SLC17A1: variants seen among roughly 807,000 people sequenced by gnomAD.
SLC17A1 encodes sodium-dependent phosphate transport protein 1.
A neutral mutation model predicts 53.5 loss-of-function variants in SLC17A1; 51 were observed. The ratio of observed to expected loss-of-function variants is 0.95; its 90% CI spans 0.76 to 1.20. The LOEUF (loss-of-function observed/expected upper bound fraction) is 1.20, where lower values mean the gene tolerates loss of function less well. Ranked by LOEUF, SLC17A1 falls within the 50% of genes most tolerant of loss-of-function variation. The probability of loss-of-function intolerance (pLI) is 0.00; values close to 1 mark genes in which losing one functional copy is unlikely to be tolerated. For synonymous variants in SLC17A1, 179 were observed against 198.8 expected (o/e 0.90, Z 0.84); for missense variants, 538 against 568.2 (o/e 0.95, Z 0.54).
the SLC17A1 span, among the ~76,000 whole-genome samples, chr6:25,742,049 A>G: frequency 6.6e-6 from 1 of 152,298 alleles, no homozygotes; most frequent in South Asian, 2.1e-4. Flanking sequence ...AAAATGTTGT[A>G]AAAGTATCAC....
At chr6:25,732,092 C>T in the SLC17A1 span, 73 of 924,466 alleles carry the variant, frequency 7.9e-5, no homozygotes, top group African/African-American at 1.2e-3. Flanking sequence ...TGTCCTCCTT[C>T]GAGTTTTAGC....
At chr6:25,773,981 A>T in the SLC17A1 span, among the ~76,000 whole-genome samples, 3 of 152,138 alleles carry the variant, frequency 2.0e-5, no homozygotes, top group Admixed American at 1.3e-4. Context: ...CAAAAATTTT[A>T]TACTCAATCC....
intron 10 of SLC17A1, among the ~76,000 whole-genome samples, chr6:25,808,751 AC>A (rs1283679837): frequency 1.3e-5 from 2 of 152,006 alleles, no homozygotes; most frequent in African/African-American, 4.8e-5. Context: ...TCAAAAACCA[AC>A]AGATGTTGAT....
the SLC17A1 span, among the ~76,000 whole-genome samples, chr6:25,766,974 G>T: frequency 6.6e-6 from 1 of 152,126 alleles, no homozygotes; most frequent in Admixed American, 6.5e-5. Context: ...GACTTTAGTA[G>T]TTAATAATAT....
intron 12 of SLC17A1, among the ~76,000 whole-genome samples, chr6:25,787,496 G>A (rs181657815): frequency 3.9e-5 from 6 of 152,070 alleles, no homozygotes. Context: ...GAAGGGAGGG[G>A]GAGAAATGAA....
chr6:25,819,163 T>C lies in SLC17A1; in HGVS notation c.530-9A>G. 6.3e-7 allele frequency: 1 copy of C among 1,591,508 alleles called. No individual in the cohort carries two copies. The highest frequency in any genetic ancestry group is 8.6e-7 in the Non-Finnish European group (1 of 1,167,386). On this transcript the variant is annotated splice_polypyrimidine_tract_variant and intron_variant, in intron 5 of 12. Coordinates refer to ENST00000244527, the MANE Select transcript of SLC17A1 (RefSeq NM_005074.5). ...GGGTCCCAGCAAAAACCCTAATCAG[T>C]AGGTACAAAGAACACCCCTAATTAA...
chr6:25,752,631 C>T, the SLC17A1 span, among the ~76,000 whole-genome samples: 1,937 of 152,246 alleles, frequency 0.013, 39 homozygotes, highest in African/African-American at 0.042. Context: ...CAGCTTAAAA[C>T]ACAAACATAT....
intron 10 of SLC17A1, among the ~76,000 whole-genome samples, chr6:25,807,457 T>C (rs1763998001): frequency 6.6e-6 from 1 of 152,046 alleles, no homozygotes; most frequent in African/African-American, 2.4e-5. Flanking sequence ...ATGCCGTATG[T>C]TTTTTAAAAT....
At chr6:25,731,345 CATT>C in the SLC17A1 span, among the ~76,000 whole-genome samples, 1 of 152,222 alleles carries the variant, frequency 6.6e-6, no homozygotes, top group African/African-American at 2.4e-5. Context: ...GTTTTGCACA[CATT>C]ATGGCCAAAG....
At chr6:25,823,284 T>C (rs1000839013) in intron 3 of SLC17A1, among the ~76,000 whole-genome samples, 7 of 152,148 alleles carry the variant, frequency 4.6e-5, no homozygotes, top group Non-Finnish European at 1.0e-4. Context: ...AACATTTATG[T>C]ACAAGTCTCT....
At chr6:25,777,840 G>A in the SLC17A1 span, 1 of 1,078,396 alleles carries the variant, frequency 9.3e-7, no homozygotes. Flanking sequence ...TGTTTGCACA[G>A]GAATATTTGC....
chr6:25,819,698 A>T lies in SLC17A1; in HGVS notation c.425T>A (p.Val142Asp), dbSNP rs186960598. 1.2e-6 allele frequency: 2 copies of T among 1,614,144 alleles called. No homozygotes were observed. Among genetic ancestry groups the T allele is most frequent in the East Asian group, 4.5e-5 (2 of 44,890 alleles). ...GVAWVVVCRA[V>D]QGAAQGIVAT... The stretch of plus-strand genomic sequence containing the variant: ...TTTTAATACCTGGGCTGCTCCCTGA[A>T]CTGCTCGACATACAACGACCCAAGC... Residue 142 changes from valine to aspartate, a missense_variant, in exon 4 of 13, where the codon GTT becomes GAT. Val to Asp is a radical substitution (Grantham distance 152). Coordinates refer to ENST00000244527, the MANE Select transcript of SLC17A1 (RefSeq NM_005074.5).
At chr6:25,729,704 CT>C in the SLC17A1 span, among the ~76,000 whole-genome samples, 1 of 151,158 alleles carries the variant, frequency 6.6e-6, no homozygotes, top group Non-Finnish European at 1.5e-5. Flanking sequence ...TATTTTTTAA[CT>C]TTTTTTGTTA....
chr6:25,788,438 C>T (rs1448259758), intron 12 of SLC17A1, among the ~76,000 whole-genome samples: 1 of 152,124 alleles, frequency 6.6e-6, no homozygotes, highest in African/African-American at 2.4e-5. Flanking sequence ...GGGGATGCTC[C>T]AGCAGGACAC....
Position 25,811,450 on chromosome 6 carries a change from C to T in SLC17A1, c.1126G>A (p.Gly376Ser). The T allele has an allele frequency of 6.2e-7, 1 of 1,613,954 alleles. No individual in the cohort carries two copies. The highest frequency in any genetic ancestry group is 1.1e-5 in the South Asian group (1 of 91,062). Reference sequence around the variant, plus strand: ...AACACTCCACCCAAGCAAAAGCTGCCTGTTGCACCAGCAAGTATTAGGAAA... The same window carrying T: ...AACACTCCACCCAAGCAAAAGCTGCTTGTTGCACCAGCAAGTATTAGGAAA... Reference protein sequence around the residue: ...VIFLILAGATGSFCLGGVFIN... With the variant: ...VIFLILAGATSSFCLGGVFIN... Residue 376 changes from glycine (G) to serine (S), a missense_variant, in exon 10 of 13, where the codon GGC becomes AGC. Gly to Ser is a moderately conservative substitution (Grantham distance 56). Transcript: ENST00000244527.
the SLC17A1 span, chr6:25,726,387 G>C: frequency 3.1e-6 from 5 of 1,613,956 alleles, no homozygotes; most frequent in African/African-American, 1.3e-5. Flanking sequence ...ACACTGGTGC[G>C]CCTGCCCCTA....
At chr6:25,764,822 A>C in the SLC17A1 span, among the ~76,000 whole-genome samples, 46 of 152,366 alleles carry the variant, frequency 3.0e-4, no homozygotes, top group African/African-American at 1.0e-3. Flanking sequence ...GCAATTTAGC[A>C]TCAGGGGCCA....
Position 25,813,227 on chromosome 6 carries a change from G to A in SLC17A1, c.617-14C>T, listed in dbSNP as rs2151493195. The A allele has an allele frequency of 6.2e-7, 1 of 1,603,288 alleles. No individual in the cohort carries two copies. Among genetic ancestry groups the A allele is most frequent in the Admixed American group, 1.7e-5 (1 of 60,016 alleles). On this transcript the variant is annotated splice_polypyrimidine_tract_variant and intron_variant, in intron 6 of 12. Coordinates refer to ENST00000244527, the MANE Select transcript of SLC17A1 (RefSeq NM_005074.5). ...AGCCACAAGCACCTATCAAAGCAGG[G>A]TAAGTTAGAATTGGAAGTCTCTGTT...
downstream of SLC17A1, among the ~76,000 whole-genome samples, chr6:25,781,755 C>T (rs9393668): frequency 0.071 from 10,792 of 152,100 alleles, 1,078 homozygotes; most frequent in East Asian, 0.5. Flanking sequence ...ATCTCACTCA[C>T]CCCTGAGGAA....
Sources: allele counts gnomAD v4.1 joint callset (sites outside exome capture counted in the v4.1 genomes callset), GRCh38; gene constraint gnomAD v4.1.1; transcripts MANE v1.5; gene names NCBI Gene and HGNC (gene_info 2026-07-23, HGNC 2026-07-21).